Variants in GSDMA observed in about 807,000 individuals in gnomAD.
The protein encoded by GSDMA is gasdermin A.
Under a neutral mutation model 54.3 loss-of-function variants are expected in GSDMA, and 55 were observed. The observed-to-expected ratio is 1.01, with a 90% CI of 0.82 to 1.27. The LOEUF (loss-of-function observed/expected upper bound fraction) is 1.27, where lower values mean the gene tolerates loss of function less well. GSDMA is among the 50% of genes most tolerant of loss of function. The pLI, the probability that GSDMA is intolerant of heterozygous loss-of-function variation, is 0.00. For missense variants in GSDMA, 542 were observed against 542.6 expected (o/e 1.00, Z 0.01); for synonymous variants, 211 against 224.7 (o/e 0.94, Z 0.54).
chr17:39,973,703 G>A, intron 7 of GSDMA, 107 bp from the exon 8 acceptor site: 1 of 906,446 alleles, frequency 1.1e-6, no homozygotes, highest in Non-Finnish European at 1.7e-6. Flanking sequence ...TCTCCCAGGA[G>A]ACAGGCAGGA....
chr17:39,972,434 TGA>T (rs1979995425), intron 6 of GSDMA, among the ~76,000 whole-genome samples, 151 bp from the exon 7 acceptor site: 1 of 152,222 alleles, frequency 6.6e-6, no homozygotes, highest in Non-Finnish European at 1.5e-5. Flanking sequence ...ACTTGGAGAC[TGA>T]GTGTGTTCCC....
chr17:39,973,842 T>C lies in GSDMA; in HGVS notation c.751+12T>C, dbSNP rs1980072967. On this transcript the variant is annotated intron_variant, in intron 8 of 11. Transcript: ENST00000301659. ...GGCATCTGATGTTGGTAAGGAACTTTGTGAGTTTCTCCCAAGACTTTGGCA... is the reference window on the plus strand; with the variant it reads ...GGCATCTGATGTTGGTAAGGAACTTCGTGAGTTTCTCCCAAGACTTTGGCA... 1 of 1,612,236 alleles carries C rather than the reference T, an allele frequency of 6.2e-7. No individual in the cohort carries two copies. The highest frequency in any genetic ancestry group is 8.5e-7 in the Non-Finnish European group (1 of 1,178,400).
Position 39,970,531 on chromosome 17 carries a change from G to C in GSDMA, c.442G>C (p.Glu148Gln), listed in dbSNP as rs1262864711. The C allele has an allele frequency of 6.2e-7, 1 of 1,604,296 alleles. No homozygotes were observed. The highest frequency in any genetic ancestry group is 8.5e-7 in the Non-Finnish European group (1 of 1,175,022). Reference sequence around the variant, plus strand: ...CCTGAAGGAGATGCAAGATCAAGGGGAGAACCTGTATGTGGTGATGGAGGT... The same window carrying C: ...CCTGAAGGAGATGCAAGATCAAGGGCAGAACCTGTATGTGGTGATGGAGGT... ...PFLKEMQDQG[E>Q]NLYVVMEVVE... is the part of the protein sequence containing the mutation. The change falls in exon 4 of 12, where the codon GAG (glutamate) becomes CAG (glutamine). Residue 148 changes from glutamate (E) to glutamine (Q), a missense_variant. Transcript: ENST00000301659.
At position 39,970,564 on chromosome 17, in the gene GSDMA, A is replaced by T; in HGVS notation, c.475A>T (p.Thr159Ser). The T allele has an allele frequency of 6.2e-7, 1 of 1,610,370 alleles. No individual in the cohort carries two copies. The highest frequency in any genetic ancestry group is 1.1e-5 in the South Asian group (1 of 90,606). Reference sequence around the variant, plus strand: ...GTATGTGGTGATGGAGGTGGTGGAGACGGTGCAGGAGGTCACACTGGAGCG... The same window carrying T: ...GTATGTGGTGATGGAGGTGGTGGAGTCGGTGCAGGAGGTCACACTGGAGCG... The part of the protein sequence containing the change: ...NLYVVMEVVE[T>S]VQEVTLERAG... Residue 159 changes from threonine to serine, a missense_variant, in exon 4 of 12, where the codon ACG (threonine) becomes TCG (serine). Thr to Ser is a moderately conservative substitution (Grantham distance 58). Transcript: ENST00000301659.
intron 9 of GSDMA, 104 bp downstream of exon 9, chr17:39,974,531 G>A: frequency 7.6e-7 from 1 of 1,307,904 alleles, no homozygotes; most frequent in Non-Finnish European, 1.0e-6. Context: ...ACGGGGGCAG[G>A]AGGTGGGTGG....
At chr17:39,972,461 G>A (rs3859191) in intron 6 of GSDMA, 126 bp from the exon 7 acceptor site, 374,740 of 862,486 alleles carry the variant, frequency 0.43, 83,202 homozygotes, top group East Asian at 0.51. Flanking sequence ...CATGGGGGTG[G>A]ATGAGCTAGC....
chr17:39,970,970 C>T (rs1979913370), intron 4 of GSDMA, among the ~76,000 whole-genome samples: 1 of 152,184 alleles, frequency 6.6e-6, no homozygotes, highest in South Asian at 2.1e-4. Context: ...TCTTTACTCT[C>T]GGAAAGTCAT....
chr17:39,969,387 T>G (rs1598304111), intron 3 of GSDMA, among the ~76,000 whole-genome samples: 1 of 146,668 alleles, frequency 6.8e-6, no homozygotes. Flanking sequence ...GAGTTGGGTG[T>G]GGGGAGCTTT....
At chr17:39,969,717 G>A (rs1283655212) in intron 3 of GSDMA, among the ~76,000 whole-genome samples, 1 of 152,096 alleles carries the variant, frequency 6.6e-6, no homozygotes, top group Non-Finnish European at 1.5e-5. Context: ...GACCGGGCAT[G>A]GTGGCTCACA....
In GSDMA at chr17:39,977,052, C is replaced by T; in HGVS notation, c.1332C>T (p.Ala444=). 1 of 1,613,846 alleles carries T rather than the reference C, an allele frequency of 6.2e-7. No homozygotes were observed. The highest frequency in any genetic ancestry group is 8.5e-7 in the Non-Finnish European group (1 of 1,179,832). The change falls in exon 12 of 12, where the codon GCC becomes GCT. Residue 444 remains alanine, a synonymous_variant. Coordinates refer to ENST00000301659, the MANE Select transcript of GSDMA (RefSeq NM_178171.5). The part of the protein sequence containing the change: ...GLSLLQQLTK[A]S ...CTCTCCTTCAGCAGCTTACCAAGGC[C>T]TCCTAATTTGCCTTTTACGTCTGCT...
chr17:39,974,144 C>A, intron 8 of GSDMA, 129 bp from the exon 9 acceptor site: 1 of 1,003,934 alleles, frequency 1.0e-6, no homozygotes, highest in Non-Finnish European at 1.4e-6. Context: ...AAAATGGGGC[C>A]AGGCTCAAAC....
intron 8 of GSDMA, 104 bp downstream of exon 8, chr17:39,973,934 A>C (rs1980077389): frequency 1.8e-6 from 2 of 1,096,796 alleles, no homozygotes; most frequent in African/African-American, 3.1e-5. Flanking sequence ...ACTCATGGGA[A>C]GGGAAAACAG....
intron 7 of GSDMA, 134 bp downstream of exon 7, chr17:39,972,747 T>C (rs987774098): frequency 1.2e-5 from 10 of 845,560 alleles, no homozygotes; most frequent in Middle Eastern, 2.5e-4. Context: ...CCCCGAAACA[T>C]GGCAGAAATT....
chr17:39,972,683 C>A, intron 7 of GSDMA, 70 bp downstream of exon 7: 2 of 1,328,524 alleles, frequency 1.5e-6, no homozygotes, highest in Non-Finnish European at 2.1e-6. Flanking sequence ...CTTTTTCTTT[C>A]CTTCTGACAG....
chr17:39,976,940 G>A lies in GSDMA; in HGVS notation c.1220G>A (p.Ser407Asn). The change falls in exon 12 of 12, where the codon AGT (serine) becomes AAT (asparagine). Residue 407 changes from serine to asparagine, a missense_variant. Coordinates refer to ENST00000301659, the MANE Select transcript of GSDMA (RefSeq NM_178171.5). Reference sequence around the variant, plus strand: ...CTCACGGAGGCTCTAGTCGGGCTGAGTGGCCTGGAAGTGCAGAGATCGGGC... The same window carrying A: ...CTCACGGAGGCTCTAGTCGGGCTGAATGGCCTGGAAGTGCAGAGATCGGGC... ...LTLTEALVGL[S>N]GLEVQRSGPQ... 8 of 1,614,032 alleles carry A rather than the reference G, an allele frequency of 5.0e-6. No individual in the cohort carries two copies. The highest frequency in any genetic ancestry group is 6.8e-6 in the Non-Finnish European group (8 of 1,179,908).
chr17:39,975,082 TC>T (rs1370058041), intron 10 of GSDMA, 68 bp downstream of exon 10: 7 of 823,850 alleles, frequency 8.5e-6, no homozygotes, highest in Non-Finnish European at 1.4e-5. Context: ...TTGAATCAAT[TC>T]CCAAATGGAT....
chr17:39,966,129 G>T (rs1979649364), intron 2 of GSDMA, 131 bp from the exon 3 acceptor site: 1 of 974,924 alleles, frequency 1.0e-6, no homozygotes, highest in African/African-American at 1.6e-5. Context: ...TTCTTGCTTT[G>T]TTGCCCAGGC....
intron 11 of GSDMA, 21 bp from the exon 12 acceptor site, chr17:39,976,795 T>G (rs1159073139): frequency 6.2e-6 from 10 of 1,611,678 alleles, no homozygotes; most frequent in African/African-American, 2.7e-5. Flanking sequence ...TTTCTTTTCA[T>G]GCTGTTTTGA....
At chr17:39,976,220 G>C (rs1980192797) in intron 11 of GSDMA, among the ~76,000 whole-genome samples, 1 of 151,902 alleles carries the variant, frequency 6.6e-6, no homozygotes. Flanking sequence ...GCCTGATCTT[G>C]GGAGAAGAGA....
Sources: gnomAD v4.1 joint callset for allele counts (sites outside exome capture counted in the v4.1 genomes callset) on GRCh38, gnomAD v4.1.1 for gene constraint, MANE v1.5 for transcripts, NCBI Gene and HGNC (gene_info 2026-07-23, HGNC 2026-07-21) for gene names.